The following LRIF1 variants were observed in gnomAD, a reference collection of about 807,000 sequenced individuals.
The protein encoded by LRIF1 is ligand dependent nuclear receptor interacting factor 1.
Under a neutral mutation model 52.7 loss-of-function variants are expected in LRIF1, and 32 were observed. That is an observed-to-expected ratio of 0.61 (90% CI 0.46 to 0.82). The LOEUF (loss-of-function observed/expected upper bound fraction) is 0.82, where lower values mean the gene tolerates loss of function less well. Ranked by LOEUF, LRIF1 falls within the 40% of genes least tolerant of loss-of-function variation. LRIF1 has a pLI of 0.00. For synonymous variants in LRIF1, 323 were observed against 317.4 expected, an observed-to-expected ratio of 1.02 and a Z score of -0.19; for missense variants, 887 against 892.0, an observed-to-expected ratio of 0.99 and a Z score of 0.07.
chr1:110,926,768 G>A, the LRIF1 span, among the ~76,000 whole-genome samples: 29 of 152,204 alleles, frequency 1.9e-4, no homozygotes, highest in East Asian at 5.4e-3. Flanking sequence ...AATTTGACAA[G>A]ATAATTCTAA....
At chr1:110,951,111 ACTC>A (rs1281134882) in intron 2 of LRIF1, among the ~76,000 whole-genome samples, 174 bp downstream of exon 2, 2 of 151,862 alleles carry the variant, frequency 1.3e-5, no homozygotes, top group African/African-American at 2.4e-5. Flanking sequence ...ACCCAACTGT[ACTC>A]CTCCTCAAAT....
chr1:110,936,026 CAAGA>C, the LRIF1 span, among the ~76,000 whole-genome samples: 1 of 151,708 alleles, frequency 6.6e-6, no homozygotes, highest in Non-Finnish European at 1.5e-5. Context: ...ACTTATAGGC[CAAGA>C]GAGAGTGGCA....
At chr1:110,886,218 C>T in the LRIF1 span, among the ~76,000 whole-genome samples, 1 of 152,054 alleles carries the variant, frequency 6.6e-6, no homozygotes, top group Non-Finnish European at 1.5e-5. Flanking sequence ...AAGAAGTCTG[C>T]TCTTATCCTT....
the LRIF1 span, among the ~76,000 whole-genome samples, chr1:110,922,909 G>A: frequency 1.1e-4 from 17 of 152,122 alleles, no homozygotes; most frequent in South Asian, 2.1e-3. Context: ...TGCTTCCATC[G>A]TAACATTGCC....
chr1:110,963,654 G>T lies in LRIF1; in HGVS notation c.35C>A (p.Pro12His). 6.2e-7 allele frequency: 1 copy of T among 1,610,320 alleles called. No individual in the cohort carries two copies. Among genetic ancestry groups the T allele is most frequent in the East Asian group, 2.2e-5 (1 of 44,820 alleles). Residue 12 changes from proline to histidine, a missense_variant, in exon 1 of 4, where the codon CCC (proline) becomes CAC (histidine). Coordinates refer to ENST00000369763, the MANE Select transcript of LRIF1 (RefSeq NM_018372.4). ...GGCGTTGCCTGAATTTTCCTCTGCG[G>T]GTTTCAGGAAGACCCTCCGTAGGTT... ...SNNLRRVFLK[P>H]AEENSGNASR...
chr1:110,963,344 C>T (rs1053673172), intron 1 of LRIF1: 1 of 257,524 alleles, frequency 3.9e-6, no homozygotes, highest in African/African-American at 2.2e-5. Flanking sequence ...TCTTGGTTTT[C>T]ATCTCCCGTG....
chr1:110,903,617 C>G, the LRIF1 span, among the ~76,000 whole-genome samples: 1 of 152,192 alleles, frequency 6.6e-6, no homozygotes, highest in Non-Finnish European at 1.5e-5. Flanking sequence ...GAATAACCAG[C>G]AGTGAAACCA....
the LRIF1 span, chr1:110,897,692 A>G: frequency 3.3e-6 from 2 of 602,666 alleles, no homozygotes; most frequent in South Asian, 2.2e-5. Flanking sequence ...AAAATATAAT[A>G]CCTAAGCCTC....
At chr1:110,896,842 C>A in the LRIF1 span, 2 of 928,750 alleles carry the variant, frequency 2.2e-6, no homozygotes, top group South Asian at 1.7e-5. Context: ...AAACAGGGGA[C>A]CTTGAATAAA....
the LRIF1 span, among the ~76,000 whole-genome samples, chr1:110,878,548 T>C: frequency 6.6e-6 from 1 of 152,244 alleles, no homozygotes; most frequent in East Asian, 1.9e-4. Flanking sequence ...CTTTTCTTTA[T>C]TTTTTAAATG....
Position 110,948,156 on chromosome 1 carries a change from T to C in LRIF1, c.2113A>G (p.Lys705Glu), listed in dbSNP as rs1266775086. ...MEYYTHEKQE[K>E]GTLNSNAAYE... ...GCTGCATTTGAATTCAAAGTGCCTT[T>C]CTCTTGCTTCTCATGGGTATAGTAT... The change falls in exon 4 of 4, where the codon AAA becomes GAA. Residue 705 changes from lysine to glutamate, a missense_variant. Lys to Glu is a moderately conservative substitution (Grantham distance 56). Transcript: ENST00000369763. The C allele has an allele frequency of 6.2e-7, 1 of 1,614,136 alleles. No homozygotes were observed. The highest frequency in any genetic ancestry group is 8.5e-7 in the Non-Finnish European group (1 of 1,179,998).
chr1:110,876,290 A>G, the LRIF1 span, among the ~76,000 whole-genome samples: 14 of 152,196 alleles, frequency 9.2e-5, no homozygotes, highest in South Asian at 2.1e-4. Flanking sequence ...TTTCTTCTAC[A>G]TTATACTATA....
chr1:110,893,938 TCCAC>T, the LRIF1 span, among the ~76,000 whole-genome samples: 1 of 152,216 alleles, frequency 6.6e-6, no homozygotes, highest in Admixed American at 6.5e-5. Context: ...CCAGCAGTCC[TCCAC>T]CCAGAGGTAT....
the LRIF1 span, chr1:110,941,287 A>C: frequency 6.6e-6 from 1 of 152,040 alleles, no homozygotes; most frequent in Non-Finnish European, 1.5e-5. Context: ...TATATTTCTT[A>C]ATCTGTCTAC....
intron 1 of LRIF1, among the ~76,000 whole-genome samples, chr1:110,957,811 G>T (rs1044295548): frequency 6.6e-6 from 1 of 152,126 alleles, no homozygotes; most frequent in Non-Finnish European, 1.5e-5. Context: ...TTCATCCACA[G>T]AACCTTGCAT....
the LRIF1 span, chr1:110,891,478 G>T: frequency 1.2e-6 from 2 of 1,608,252 alleles, no homozygotes; most frequent in Non-Finnish European, 1.7e-6. Context: ...TTGGGTAAGT[G>T]TATCTCTTCT....
At chr1:110,875,805 G>A in the LRIF1 span, among the ~76,000 whole-genome samples, 1 of 152,222 alleles carries the variant, frequency 6.6e-6, no homozygotes, top group Non-Finnish European at 1.5e-5. Context: ...TGGTCAGTTT[G>A]AGAAGGCTGT....
At position 110,948,373 on chromosome 1, in the gene LRIF1, TGC is replaced by T. The variant is rs1178083135; in HGVS notation, c.1894_1895del (p.Ala632LysfsTer3). ...KQQNFDKKRK[A>X]KTNKKMDHIK... ...TGTGATCCATCTTCTTATTAGTTTT[TGC>T]TTTTCTTTTCTTATCAAAATTCTGC... On this transcript the variant is annotated frameshift_variant, in exon 4 of 4. Coordinates refer to ENST00000369763, the MANE Select transcript of LRIF1 (RefSeq NM_018372.4). LOFTEE classifies it high-confidence loss of function. 1 of 1,611,926 alleles carries T rather than the reference TGC, an allele frequency of 6.2e-7. No individual in the cohort carries two copies. Among genetic ancestry groups the T allele is most frequent in the Admixed American group, 1.7e-5 (1 of 59,720 alleles).
In LRIF1 at chr1:110,960,949, C is replaced by G. The variant is rs181250066; in HGVS notation, c.68+2672G>C. On this transcript the variant is annotated intron_variant, in intron 1 of 3. Coordinates refer to ENST00000369763, the MANE Select transcript of LRIF1 (RefSeq NM_018372.4). ...TTTCTTAAAATACTCTGACCTATTT[C>G]CAATAGATGAAGTCTAATCTCCTTA... is the stretch of plus-strand genomic sequence containing the variant. Among the ~76,000 whole-genome samples, 777 of 152,294 alleles carry G rather than the reference C, an allele frequency of 5.1e-3. 2 individuals carry two copies. Among genetic ancestry groups the G allele is most frequent in the Non-Finnish European group, 9.3e-3 (632 of 68,006 alleles).
Sources: allele counts gnomAD v4.1 joint callset (sites outside exome capture counted in the v4.1 genomes callset), GRCh38; gene constraint gnomAD v4.1.1; transcripts MANE v1.5; gene names NCBI Gene and HGNC (gene_info 2026-07-23, HGNC 2026-07-21).